The following SLC39A11 variants were observed in gnomAD, a reference collection of about 807,000 sequenced individuals.
SLC39A11 encodes zinc transporter ZIP11.
In SLC39A11, 33 loss-of-function variants were observed where a neutral mutation model predicts 36.1. The ratio of observed to expected loss-of-function variants is 0.91; its 90% CI spans 0.69 to 1.22. SLC39A11 has a LOEUF of 1.22. Ranked by LOEUF, SLC39A11 falls within the 50% of genes most tolerant of loss-of-function variation. SLC39A11 has a pLI of 0.00. For synonymous variants in SLC39A11, 166 were observed against 170.3 expected, an observed-to-expected ratio of 0.97 and a Z score of 0.20; for missense variants, 432 against 430.3, an observed-to-expected ratio of 1.00 and a Z score of -0.03.
At chr17:72,667,688 T>C (rs1325830722) in intron 7 of SLC39A11, among the ~76,000 whole-genome samples, 1 of 152,206 alleles carries the variant, frequency 6.6e-6, no homozygotes, top group East Asian at 1.9e-4. Context: ...GAATGCCTGG[T>C]GCAGACTGCA....
At chr17:72,672,268 G>A (rs1367915744) in intron 7 of SLC39A11, among the ~76,000 whole-genome samples, 2 of 152,164 alleles carry the variant, frequency 1.3e-5, no homozygotes, top group Non-Finnish European at 1.5e-5. Context: ...GGCCAACACA[G>A]TGAAACCTTG....
At chr17:72,740,618 C>T (rs946137401) in intron 6 of SLC39A11, among the ~76,000 whole-genome samples, 1 of 152,092 alleles carries the variant, frequency 6.6e-6, no homozygotes, top group Non-Finnish European at 1.5e-5. Flanking sequence ...TTGTGTGGGT[C>T]CCGTGCTGTT....
intron 6 of SLC39A11, among the ~76,000 whole-genome samples, chr17:72,782,209 G>A (rs1248891563): frequency 1.3e-5 from 2 of 152,142 alleles, no homozygotes; most frequent in Admixed American, 1.3e-4. Context: ...GCAGAGACTG[G>A]AGTGATGCAG....
At chr17:72,652,080 A>C (rs2069878618) in intron 7 of SLC39A11, among the ~76,000 whole-genome samples, 1 of 152,126 alleles carries the variant, frequency 6.6e-6, no homozygotes, top group African/African-American at 2.4e-5. Flanking sequence ...TGTTGCAACC[A>C]CTCAACTCTG....
At chr17:72,796,661 C>G (rs779414206) in intron 6 of SLC39A11, among the ~76,000 whole-genome samples, 99 of 152,172 alleles carry the variant, frequency 6.5e-4, no homozygotes, top group Admixed American at 2.2e-3. Context: ...AGGGGGCACG[C>G]TGTGCCCAGA....
At chr17:72,792,276 G>A (rs2076735270) in intron 6 of SLC39A11, among the ~76,000 whole-genome samples, 1 of 152,204 alleles carries the variant, frequency 6.6e-6, no homozygotes, top group Admixed American at 6.5e-5. Context: ...AGTGACAAGA[G>A]GGTGAGGTGA....
intron 5 of SLC39A11, among the ~76,000 whole-genome samples, chr17:72,892,730 C>T (rs761714163): frequency 1.4e-4 from 21 of 152,278 alleles, no homozygotes; most frequent in Non-Finnish European, 1.3e-4. Flanking sequence ...AATTGGTCCA[C>T]AATCCAACCA....
chr17:72,861,317 G>A (rs906634990), intron 5 of SLC39A11, among the ~76,000 whole-genome samples: 8 of 152,226 alleles, frequency 5.3e-5, no homozygotes, highest in African/African-American at 1.9e-4. Flanking sequence ...AAAGATAATA[G>A]AGATTTTCCA....
intron 7 of SLC39A11, among the ~76,000 whole-genome samples, chr17:72,656,467 G>A (rs1466637189): frequency 6.6e-6 from 1 of 152,152 alleles, no homozygotes; most frequent in East Asian, 1.9e-4. Context: ...CAGGAGAGGG[G>A]CATCCGTGTG....
intron 6 of SLC39A11, among the ~76,000 whole-genome samples, chr17:72,749,628 G>T (rs1256706221): frequency 6.6e-6 from 1 of 152,158 alleles, no homozygotes; most frequent in Non-Finnish European, 1.5e-5. Flanking sequence ...AGCAGAGGTG[G>T]GCAGGCTCTC....
chr17:72,929,776 T>G (rs1193011768), intron 5 of SLC39A11, among the ~76,000 whole-genome samples: 1 of 152,190 alleles, frequency 6.6e-6, no homozygotes, highest in Non-Finnish European at 1.5e-5. Context: ...TTAACTTTTG[T>G]TAAGCACTCT....
At chr17:72,683,074 G>A (rs1206832597) in intron 7 of SLC39A11, among the ~76,000 whole-genome samples, 1 of 152,190 alleles carries the variant, frequency 6.6e-6, no homozygotes, top group Non-Finnish European at 1.5e-5. Context: ...ATGTGGCAAG[G>A]TATCAGTGGC....
At chr17:73,037,949 A>G (rs112369226) in intron 3 of SLC39A11, among the ~76,000 whole-genome samples, 5,928 of 152,350 alleles carry the variant, frequency 0.039, 127 homozygotes, top group Middle Eastern at 0.078. Context: ...GTGGCAGGGC[A>G]CAGGGGCTTA....
intron 6 of SLC39A11, among the ~76,000 whole-genome samples, chr17:72,833,538 T>A (rs971685699): frequency 7.9e-5 from 12 of 152,376 alleles, no homozygotes; most frequent in African/African-American, 2.9e-4. Flanking sequence ...ACAATGGCTC[T>A]AGCAGAAAGC....
intron 3 of SLC39A11, among the ~76,000 whole-genome samples, chr17:73,048,910 A>T (rs1221671298): frequency 2.0e-5 from 3 of 152,232 alleles, no homozygotes; most frequent in Non-Finnish European, 4.4e-5. Context: ...TGAACATGGT[A>T]GATACAGGTG....
At chr17:72,919,004 A>C (rs2083484172) in intron 5 of SLC39A11, among the ~76,000 whole-genome samples, 1 of 152,174 alleles carries the variant, frequency 6.6e-6, no homozygotes, top group Non-Finnish European at 1.5e-5. Flanking sequence ...CTGAGGTTGC[A>C]GTGAGCCAAG....
At chr17:72,705,490 C>T (rs1406054366) in intron 7 of SLC39A11, among the ~76,000 whole-genome samples, 3 of 152,206 alleles carry the variant, frequency 2.0e-5, no homozygotes, top group African/African-American at 7.2e-5. Flanking sequence ...CCCTTGACAC[C>T]AGCTGGCCAC....
chr17:72,686,300 A>C (rs764890198), intron 7 of SLC39A11, among the ~76,000 whole-genome samples: 4 of 152,104 alleles, frequency 2.6e-5, no homozygotes, highest in Admixed American at 6.5e-5. Flanking sequence ...CTAGGATTGG[A>C]GCCTCATCCC....
At chr17:72,878,772 G>A (rs1567871517) in intron 5 of SLC39A11, among the ~76,000 whole-genome samples, 1 of 152,230 alleles carries the variant, frequency 6.6e-6, no homozygotes, top group East Asian at 1.9e-4. Flanking sequence ...CCAACATGGA[G>A]TGGGGGTAAT....
Sources: gnomAD v4.1 joint callset for allele counts (sites outside exome capture counted in the v4.1 genomes callset) on GRCh38, gnomAD v4.1.1 for gene constraint, MANE v1.5 for transcripts, NCBI Gene and HGNC (gene_info 2026-07-23, HGNC 2026-07-21) for gene names.